Variants in LSMEM1 observed in about 807,000 individuals in gnomAD.
The protein encoded by LSMEM1 is leucine-rich single-pass membrane protein 1.
A neutral mutation model predicts 11.3 loss-of-function variants in LSMEM1; 10 were observed. That is an observed-to-expected ratio of 0.89 (90% CI 0.55 to 1.50). The LOEUF is 1.50. Ranked by LOEUF, LSMEM1 falls within the 40% of genes most tolerant of loss-of-function variation. LSMEM1 has a pLI of 0.00. For synonymous variants in LSMEM1, 65 were observed against 59.3 expected (o/e 1.10, Z -0.44); for missense variants, 151 against 152.9 (o/e 0.99, Z 0.06).
At chr7:112,488,967 G>A (rs1796188705) in intron 3 of LSMEM1, among the ~76,000 whole-genome samples, 1 of 152,196 alleles carries the variant, frequency 6.6e-6, no homozygotes, top group Non-Finnish European at 1.5e-5. Context: ...TGTGCCCAAG[G>A]TCACGTTGCT....
Position 112,481,086 on chromosome 7 carries a change from T to C in LSMEM1, c.-266T>C. On this transcript the variant is annotated 5_prime_UTR_variant, in exon 1 of 4. Transcript: ENST00000312849. ...AGCATAGTTTTAGTAATATATTTAC[T>C]AAAAACCTTAGACATTATGAAAAAA... 2.9e-6 allele frequency: 1 copy of C among 347,036 alleles called. No individual in the cohort carries two copies. Among genetic ancestry groups the C allele is most frequent in the Non-Finnish European group, 5.6e-6 (1 of 177,442 alleles). 21.5% of individuals were successfully genotyped at this position (347,036 alleles called of 1,614,324 possible).
chr7:112,489,570 G>T (rs1294457536), intron 3 of LSMEM1, among the ~76,000 whole-genome samples: 1 of 152,160 alleles, frequency 6.6e-6, no homozygotes, highest in Non-Finnish European at 1.5e-5. Context: ...GCCATAATTG[G>T]TGTGAAGTTG....
chr7:112,486,406 C>G (rs766108987), intron 2 of LSMEM1: 3 of 448,708 alleles, frequency 6.7e-6, no homozygotes, highest in Non-Finnish European at 1.4e-5. Context: ...ATAGCTTAAC[C>G]CTGCTTATTC....
chr7:112,480,986 A>C, upstream of LSMEM1: 1 of 421,788 alleles, frequency 2.4e-6, no homozygotes, highest in South Asian at 1.7e-5. Context: ...AAGGACGGTA[A>C]CTTCAGTCCA....
At chr7:112,482,460 AG>A (rs1171234993) in intron 1 of LSMEM1, among the ~76,000 whole-genome samples, 1 of 152,236 alleles carries the variant, frequency 6.6e-6, no homozygotes, top group Non-Finnish European at 1.5e-5. Context: ...GGGGAAGCTA[AG>A]GCTCAAGGCT....
chr7:112,486,260 T>C (rs772847908), intron 2 of LSMEM1: 2 of 325,732 alleles, frequency 6.1e-6, no homozygotes, highest in Non-Finnish European at 1.3e-5. Flanking sequence ...TGGGTTACTT[T>C]GGGAAAGGGT....
chr7:112,482,505 C>A (rs558938201), intron 1 of LSMEM1, among the ~76,000 whole-genome samples: 4 of 152,308 alleles, frequency 2.6e-5, no homozygotes, highest in African/African-American at 7.2e-5. Context: ...AACCATGCTT[C>A]AGTTACCACA....
At chr7:112,480,376 A>C (rs1471008881), upstream of LSMEM1, among the ~76,000 whole-genome samples, 1 of 152,148 alleles carries the variant, frequency 6.6e-6, no homozygotes. Flanking sequence ...TCTCAAAGAA[A>C]ATTTTGTGGA....
upstream of LSMEM1, among the ~76,000 whole-genome samples, chr7:112,480,569 A>T (rs1449465571): frequency 1.3e-5 from 2 of 152,220 alleles, no homozygotes; most frequent in Non-Finnish European, 2.9e-5. Context: ...AGAGGGCAGA[A>T]GCTCCTTGGC....
chr7:112,485,037 G>A lies in LSMEM1; in HGVS notation c.127+94G>A, dbSNP rs1796102877. Reference sequence around the variant, plus strand: ...ACTGGATGTGTGGGTGTGGTGGAGGGGGAGGGGGCATTAGGAAGAGGTTGG... The same window carrying A: ...ACTGGATGTGTGGGTGTGGTGGAGGAGGAGGGGGCATTAGGAAGAGGTTGG... On this transcript the variant is annotated intron_variant, in intron 2 of 3. Transcript: ENST00000312849. 7.3e-6 allele frequency: 10 copies of A among 1,365,200 alleles called. 1 individual carries two copies. The highest frequency in any genetic ancestry group is 2.5e-5 in the Admixed American group (1 of 40,808). The allele number at this position is 1,365,200 out of a possible 1,614,324, so 84.6% of individuals were successfully genotyped here.
chr7:112,480,769 T>G, upstream of LSMEM1: 1 of 455,604 alleles, frequency 2.2e-6, no homozygotes. Context: ...CTGGAAGCAC[T>G]AGGCGTCTGA....
At chr7:112,486,470 A>G in intron 2 of LSMEM1, 1 of 412,680 alleles carries the variant, frequency 2.4e-6, no homozygotes, top group South Asian at 1.7e-5. Context: ...TCTGTGCCCA[A>G]AGACATTCCT....
Position 112,489,967 on chromosome 7 carries a change from A to G in LSMEM1, c.*18A>G, listed in dbSNP as rs778069709. The G allele has an allele frequency of 6.2e-7, 1 of 1,608,442 alleles. No individual in the cohort carries two copies. ...AAAACTAAAGGAATGATTTTCTGAA[A>G]GCACCTGCTAACACCTTGAGCTTTT... is the stretch of plus-strand genomic sequence containing the variant. On this transcript the variant is annotated 3_prime_UTR_variant, in exon 4 of 4. Transcript: ENST00000312849.
chr7:112,482,000 A>G (rs898030945), intron 1 of LSMEM1, among the ~76,000 whole-genome samples: 39 of 152,234 alleles, frequency 2.6e-4, no homozygotes, highest in Non-Finnish European at 1.0e-4. Context: ...GATAGCAACT[A>G]CTGGGTGTCA....
At chr7:112,486,555 T>A (rs1007370996) in intron 2 of LSMEM1, 1 of 314,732 alleles carries the variant, frequency 3.2e-6, no homozygotes, top group Non-Finnish European at 6.5e-6. Flanking sequence ...GGAGGGCAGA[T>A]CATGAGGTCA....
chr7:112,490,127 A>T lies in LSMEM1; in HGVS notation c.*178A>T. 1.6e-6 allele frequency: 1 copy of T among 612,608 alleles called. No individual in the cohort carries two copies. The highest frequency in any genetic ancestry group is 2.8e-6 in the Non-Finnish European group (1 of 362,976). 37.9% of individuals were successfully genotyped at this position (612,608 alleles called of 1,614,324 possible). Reference sequence around the variant, plus strand: ...GGGAGCAATTCCAAGGCAAGTGGGTATGGGAATAGCAACTAAAAAGGGGTG... The same window carrying T: ...GGGAGCAATTCCAAGGCAAGTGGGTTTGGGAATAGCAACTAAAAAGGGGTG... On this transcript the variant is annotated 3_prime_UTR_variant, in exon 4 of 4. Coordinates refer to ENST00000312849, the MANE Select transcript of LSMEM1 (RefSeq NM_182597.3).
chr7:112,485,039 G>GGGC, intron 2 of LSMEM1, 96 bp downstream of exon 2: 2 of 1,330,410 alleles, frequency 1.5e-6, no homozygotes, highest in Non-Finnish European at 2.0e-6. Flanking sequence ...GGTGGAGGGG[G>GGGC]AGGGGGCATT....
intron 3 of LSMEM1, among the ~76,000 whole-genome samples, 175 bp from the exon 4 acceptor site, chr7:112,489,635 G>T (rs569214956): frequency 9.7e-4 from 148 of 152,272 alleles, no homozygotes; most frequent in African/African-American, 3.5e-3. Context: ...CACTGGATAG[G>T]CAACTTCAGC....
rs999615008 is a variant in LSMEM1, at chr7:112,489,667, G to C, written c.257-143G>C. 2.5e-5 allele frequency: 22 copies of C among 864,556 alleles called. No individual in the cohort carries two copies. In the African/African-American group the frequency reaches 3.6e-4, roughly 14 times the overall value. The allele number at this position is 864,556 out of a possible 1,614,324, so 53.6% of individuals were successfully genotyped here. On this transcript the variant is annotated intron_variant, in intron 3 of 3. Transcript: ENST00000312849. ...CAGCCTTCACCAGTTTCTCTACTGG[G>C]CTTCTGGCATGCATGGATATGGGAA...
Sources: allele counts gnomAD v4.1 joint callset (sites outside exome capture counted in the v4.1 genomes callset), GRCh38; gene constraint gnomAD v4.1.1; transcripts MANE v1.5; gene names NCBI Gene and HGNC (gene_info 2026-07-23, HGNC 2026-07-21).